The following MED25 variants were observed in gnomAD, a reference collection of about 807,000 sequenced individuals.
The protein encoded by MED25 is mediator of RNA polymerase II transcription subunit 25.
In MED25, 62 loss-of-function variants were observed where a neutral mutation model predicts 89.4. The ratio of observed to expected loss-of-function variants is 0.69; its 90% CI spans 0.57 to 0.86. The LOEUF (loss-of-function observed/expected upper bound fraction) is 0.86. Among genes scored for constraint, MED25 ranks in the 40% least tolerant of loss-of-function variants. The pLI is 0.00. For synonymous variants in MED25, 449 were observed against 427.9 expected (o/e 1.05, Z -0.61); for missense variants, 905 against 1,005.2 (o/e 0.90, Z 1.35).
chr19:49,818,600 C>G lies in MED25; in HGVS notation c.164C>G (p.Thr55Arg), dbSNP rs2073956178. The stretch of plus-strand genomic sequence containing the variant: ...TTTAATGGTGGTCCTCCTGCTGAGA[C>G]GGACTTCGGGGGAGACGTGAGTCTA... ...EYFNGGPPAETDFGGDYGGTQ... is the reference protein window; with the variant it reads ...EYFNGGPPAERDFGGDYGGTQ... The change falls in exon 2 of 18, where the codon ACG becomes AGG. Residue 55 changes from threonine (T) to arginine (R), a missense_variant. Physicochemically the swap from Thr to Arg is moderately conservative, Grantham distance 71. Coordinates refer to ENST00000312865, the MANE Select transcript of MED25 (RefSeq NM_030973.4). The G allele has an allele frequency of 6.2e-7, 1 of 1,614,092 alleles. No individual in the cohort carries two copies. The highest frequency in any genetic ancestry group is 8.5e-7 in the Non-Finnish European group (1 of 1,180,016).
chr19:49,827,756 G>A (rs1045758937), intron 3 of MED25, among the ~76,000 whole-genome samples: 64 of 152,166 alleles, frequency 4.2e-4, no homozygotes, highest in African/African-American at 7.7e-4. Flanking sequence ...GGAGGCCCCC[G>A]TCTCTGGCTG....
rs1323676432 is a variant in MED25 at position 49,818,493 on chromosome 19, G to T, written c.134+18G>T. The T allele has an allele frequency of 6.2e-7, 1 of 1,614,172 alleles. No homozygotes were observed. The highest frequency in any genetic ancestry group is 1.1e-5 in the South Asian group (1 of 91,078). Reference sequence around the variant, plus strand: ...GCCATCGAGTGAGTGCTGTTTCCGCGACTCTAACCCCGCCCTCCCACTTCA... The same window carrying T: ...GCCATCGAGTGAGTGCTGTTTCCGCTACTCTAACCCCGCCCTCCCACTTCA... On this transcript the variant is annotated intron_variant, in intron 1 of 17. Coordinates refer to ENST00000312865, the MANE Select transcript of MED25 (RefSeq NM_030973.4).
intron 3 of MED25, among the ~76,000 whole-genome samples, chr19:49,826,941 G>C (rs1292875068): frequency 1.3e-5 from 2 of 152,188 alleles, no homozygotes; most frequent in Non-Finnish European, 2.9e-5. Context: ...GGCCTGGGTT[G>C]GTTCCAGTCT....
At chr19:49,825,209 A>G (rs1226120274) in intron 3 of MED25, among the ~76,000 whole-genome samples, 1 of 152,020 alleles carries the variant, frequency 6.6e-6, no homozygotes, top group East Asian at 1.9e-4. Context: ...TAGCATCTCA[A>G]ACTGGTTAGT....
At chr19:49,833,468 G>C (rs1430919370) in intron 13 of MED25, 1 of 152,280 alleles carries the variant, frequency 6.6e-6, no homozygotes, top group South Asian at 2.1e-4. Context: ...GAGCAGATCA[G>C]TTACTTCCGT....
intron 3 of MED25, among the ~76,000 whole-genome samples, chr19:49,823,903 G>C (rs549699236): frequency 9.2e-5 from 14 of 152,166 alleles, no homozygotes; most frequent in Middle Eastern, 3.4e-3. Context: ...ACTAGATGCC[G>C]GTAGCCCCCT....
In MED25 at chr19:49,827,042, G is replaced by T. The variant is rs78511653; in HGVS notation, c.306-1407G>T. On this transcript the variant is annotated intron_variant, in intron 3 of 17. Transcript: ENST00000312865. Reference sequence around the variant, plus strand: ...TGCCCCGCTGTGGTGGGCAAGCCTGGGGGTAAGAGAGGACTCAGACCCCAT... The same window carrying T: ...TGCCCCGCTGTGGTGGGCAAGCCTGTGGGTAAGAGAGGACTCAGACCCCAT... Among the ~76,000 whole-genome samples the T allele has an allele frequency of 2.6e-3, 391 of 152,252 alleles. 3 individuals are homozygous for T. Among genetic ancestry groups the T allele is most frequent in the African/African-American group, 8.9e-3 (369 of 41,534 alleles).
intron 3 of MED25, among the ~76,000 whole-genome samples, chr19:49,821,927 G>A (rs1217754696): frequency 1.3e-5 from 2 of 150,992 alleles, no homozygotes; most frequent in Non-Finnish European, 1.5e-5. Flanking sequence ...TCAGGAGTTC[G>A]AGACCAGCCT....
chr19:49,831,003 T>G lies in MED25; in HGVS notation c.1101+116T>G. On this transcript the variant is annotated intron_variant, in intron 9 of 17. Transcript: ENST00000312865. This position sits in a 1 kb window ranked among gnomAD's most constrained non-coding sequence, Gnocchi z 5.0. Reference sequence around the variant, plus strand: ...GATGTGGCTCTCGTGGTTCTGGGGCTTTGGGGGCTCGTGGTGTGTGTGCTG... The same window carrying G: ...GATGTGGCTCTCGTGGTTCTGGGGCGTTGGGGGCTCGTGGTGTGTGTGCTG... 1 of 1,178,886 alleles carries G rather than the reference T, an allele frequency of 8.5e-7. No homozygotes were observed. Among genetic ancestry groups the G allele is most frequent in the Non-Finnish European group, 1.2e-6 (1 of 800,662 alleles). The allele number at this position is 1,178,886 out of a possible 1,614,324, so 73.0% of individuals were successfully genotyped here.
rs368835563 is a variant in MED25, at chr19:49,835,224, C to T, written c.1674+47C>T. 26 of 1,605,378 alleles carry T rather than the reference C, an allele frequency of 1.6e-5. No homozygotes were observed. Among genetic ancestry groups the T allele is most frequent in the Admixed American group, 3.3e-5 (2 of 59,996 alleles). On this transcript the variant is annotated intron_variant, in intron 14 of 17. Transcript: ENST00000312865. This position sits in a 1 kb window ranked among gnomAD's most constrained non-coding sequence, Gnocchi z 6.2. ...ACCAGCACTCCGACCCCCTCCTGCC[C>T]GGGCCCCACATGGCCCCCTGGGGTC...
At position 49,832,175 on chromosome 19, in the gene MED25, G is replaced by T; in HGVS notation, c.1374+18G>T. The stretch of plus-strand genomic sequence containing the variant: ...AGCTGCTGGTGAGTGGCGGTGGAGG[G>T]CCAGCCCTGCTGCCGGGCAGTCCTC... On this transcript the variant is annotated intron_variant, in intron 12 of 17. Transcript: ENST00000312865. The T allele has an allele frequency of 6.2e-7, 1 of 1,610,812 alleles. No individual in the cohort carries two copies. The highest frequency in any genetic ancestry group is 8.5e-7 in the Non-Finnish European group (1 of 1,179,494).
intron 3 of MED25, chr19:49,819,503 G>A (rs962278801): frequency 1.7e-6 from 1 of 597,370 alleles, no homozygotes; most frequent in Non-Finnish European, 3.0e-6. Flanking sequence ...GATGGCTTGG[G>A]TTTGAGCTGC....
At chr19:49,823,180 C>G (rs1439585221) in intron 3 of MED25, among the ~76,000 whole-genome samples, 2 of 152,144 alleles carry the variant, frequency 1.3e-5, no homozygotes, top group Admixed American at 1.3e-4. Flanking sequence ...TCTTGAACTC[C>G]TGGCCTCAAG....
rs2074089280 is a variant in MED25, at chr19:49,835,529, T to A, written c.1675-5T>A. 2 of 1,553,356 alleles carry A rather than the reference T, an allele frequency of 1.3e-6. No individual in the cohort carries two copies. The highest frequency in any genetic ancestry group is 1.4e-5 in the African/African-American group (1 of 73,382). ...TTACTGACCTGCCCCTCTCTCCCCG[T>A]GCAGATGGGGGGACAGCAGGCACCC... On this transcript the variant is annotated splice_polypyrimidine_tract_variant and splice_region_variant and intron_variant, in intron 14 of 17. Transcript: ENST00000312865. This position sits in a 1 kb window ranked among gnomAD's most constrained non-coding sequence, Gnocchi z 6.2.
chr19:49,828,723 C>T (rs1417496246), intron 4 of MED25, among the ~76,000 whole-genome samples, 176 bp downstream of exon 4: 3 of 152,230 alleles, frequency 2.0e-5, no homozygotes, highest in South Asian at 2.1e-4. Flanking sequence ...GGCCAGTGCC[C>T]GGTCTCAGCA....
chr19:49,827,803 A>G (rs2123874834), intron 3 of MED25, among the ~76,000 whole-genome samples: 1 of 152,284 alleles, frequency 6.6e-6, no homozygotes, highest in East Asian at 1.9e-4. Flanking sequence ...TTTGGAGCAG[A>G]CAGCCCAGAG....
intron 2 of MED25, chr19:49,818,883 C>T: frequency 1.8e-6 from 1 of 564,162 alleles, no homozygotes. Context: ...AAGGGCTGGG[C>T]GTCTGGACTG....
At chr19:49,819,135 G>C (rs375613594) in intron 2 of MED25, 37 bp from the exon 3 acceptor site, 2 of 1,613,282 alleles carry the variant, frequency 1.2e-6, no homozygotes, top group African/African-American at 2.7e-5. Flanking sequence ...AGGGAATTGA[G>C]GTCCCAGATT....
Position 49,831,380 on chromosome 19 carries a change from G to C in MED25, c.1149G>C (p.Gln383His). Residue 383 changes from glutamine to histidine, a missense_variant, in exon 10 of 18, where the codon CAG becomes CAC. Coordinates refer to ENST00000312865, the MANE Select transcript of MED25 (RefSeq NM_030973.4). The surrounding 1 kb of genome is among the most constrained non-coding windows in gnomAD (Gnocchi z 5.0). ...GGGTGAGCGGCCCTTCCCCAGCCCAGCTGGGAGCCCCAGCCCTCGGTGGGC... is the reference window on the plus strand; with the variant it reads ...GGGTGAGCGGCCCTTCCCCAGCCCACCTGGGAGCCCCAGCCCTCGGTGGGC... ...PGGVSGPSPA[Q>H]LGAPALGGQQ... 6.2e-7 allele frequency: 1 copy of C among 1,611,136 alleles called. No individual in the cohort carries two copies. Among genetic ancestry groups the C allele is most frequent in the Non-Finnish European group, 8.5e-7 (1 of 1,178,914 alleles).
Sources: allele counts gnomAD v4.1 joint callset (sites outside exome capture counted in the v4.1 genomes callset), GRCh38; gene constraint gnomAD v4.1.1; non-coding constraint Gnocchi (gnomAD v3.1); transcripts MANE v1.5; gene names NCBI Gene and HGNC (gene_info 2026-07-23, HGNC 2026-07-21).